TENM3: variants seen among roughly 807,000 people sequenced by gnomAD.
TENM3 encodes the protein teneurin-3.
Under a neutral mutation model 255.1 loss-of-function variants are expected in TENM3, and 63 were observed. That is an observed-to-expected ratio of 0.25 (90% confidence interval 0.20 to 0.30). TENM3 has a LOEUF of 0.30. Ranked by LOEUF, TENM3 falls within the 10% of genes least tolerant of loss-of-function variation. The pLI is 1.00. For missense variants in TENM3, 2,929 were observed against 3,461.1 expected (o/e 0.85, Z 3.86); for synonymous variants, 1,306 against 1,322.3 (o/e 0.99, Z 0.27).
At chr4:181,948,843 T>A in the TENM3 span, among the ~76,000 whole-genome samples, 11 of 152,154 alleles carry the variant, frequency 7.2e-5, no homozygotes, top group African/African-American at 2.7e-4. Context: ...CCCATTTAAT[T>A]TCCACAAAGT....
chr4:181,525,473 G>A, the TENM3 span, among the ~76,000 whole-genome samples: 1 of 151,014 alleles, frequency 6.6e-6, no homozygotes, highest in East Asian at 2.0e-4. Flanking sequence ...ATCTCCCCCT[G>A]ACTTTTGAAG....
At chr4:182,467,996 G>A (rs1732753931) in intron 3 of TENM3, among the ~76,000 whole-genome samples, 1 of 152,164 alleles carries the variant, frequency 6.6e-6, no homozygotes, top group South Asian at 2.1e-4. Context: ...AGGTTGCACA[G>A]GAAGAGGAGA....
chr4:181,772,080 G>A, the TENM3 span, among the ~76,000 whole-genome samples: 3 of 152,028 alleles, frequency 2.0e-5, no homozygotes, highest in African/African-American at 7.2e-5. Context: ...TGATATGACT[G>A]TACTAAATAA....
At chr4:181,889,394 C>T in the TENM3 span, among the ~76,000 whole-genome samples, 1 of 152,162 alleles carries the variant, frequency 6.6e-6, no homozygotes, top group Non-Finnish European at 1.5e-5. Flanking sequence ...GAAGCAGATG[C>T]TGGCACCACC....
chr4:181,699,385 G>T, the TENM3 span, among the ~76,000 whole-genome samples: 4 of 126,624 alleles, frequency 3.2e-5, no homozygotes, highest in Non-Finnish European at 6.3e-5. Flanking sequence ...CCAGGCTTCA[G>T]TGTGCAATGA....
At chr4:181,842,866 GGAT>G in the TENM3 span, among the ~76,000 whole-genome samples, 1 of 152,156 alleles carries the variant, frequency 6.6e-6, no homozygotes, top group East Asian at 1.9e-4. Flanking sequence ...TGAGCCTGCA[GGAT>G]GATAATTCAG....
the TENM3 span, among the ~76,000 whole-genome samples, chr4:181,698,075 G>A: frequency 3.3e-5 from 5 of 151,926 alleles, no homozygotes; most frequent in African/African-American, 1.2e-4. Context: ...TTAGCTGGGT[G>A]TGGTGGCAGG....
chr4:182,786,953 CT>C (rs1765710010), intron 24 of TENM3, among the ~76,000 whole-genome samples: 1 of 152,222 alleles, frequency 6.6e-6, no homozygotes, highest in Admixed American at 6.5e-5. Flanking sequence ...AAAACCTCTT[CT>C]TGAGGCATCC....
the TENM3 span, among the ~76,000 whole-genome samples, chr4:181,983,780 A>G: frequency 1.3e-5 from 2 of 152,008 alleles, no homozygotes; most frequent in Non-Finnish European, 2.9e-5. Context: ...TCTACTTGGG[A>G]AAAAAGCCAT....
intron 3 of TENM3, among the ~76,000 whole-genome samples, chr4:182,532,311 A>T (rs545728921): frequency 6.6e-6 from 1 of 152,178 alleles, no homozygotes; most frequent in Non-Finnish European, 1.5e-5. Flanking sequence ...ATTCAGTGAT[A>T]TATGCATATA....
At chr4:182,577,650 G>A (rs1455234159) in intron 3 of TENM3, among the ~76,000 whole-genome samples, 3 of 152,162 alleles carry the variant, frequency 2.0e-5, no homozygotes, top group African/African-American at 7.2e-5. Flanking sequence ...TTAAATGCAC[G>A]CGCTCTATTA....
At chr4:182,273,074 T>C (rs2150228054) in intron 1 of TENM3, among the ~76,000 whole-genome samples, 1 of 152,316 alleles carries the variant, frequency 6.6e-6, no homozygotes, top group African/African-American at 2.4e-5. Context: ...GTAACTGGGA[T>C]GAATATGGAG....
At chr4:182,248,996 CTCCTCTACAAACTTTATA>C (rs1315211734) in intron 1 of TENM3, among the ~76,000 whole-genome samples, 1 of 152,188 alleles carries the variant, frequency 6.6e-6, no homozygotes, top group Admixed American at 6.5e-5. Flanking sequence ...GTGCCAGACC[CTCCTCTACAAACTTTATA>C]TGTTTTAACT....
chr4:182,608,694 G>A (rs1297599272), intron 4 of TENM3, among the ~76,000 whole-genome samples: 3 of 152,164 alleles, frequency 2.0e-5, no homozygotes, highest in African/African-American at 7.2e-5. Context: ...CGGGTTTGGG[G>A]GTGGCCGCTC....
intron 3 of TENM3, among the ~76,000 whole-genome samples, chr4:182,533,545 A>G (rs1406637953): frequency 6.6e-6 from 1 of 151,980 alleles, no homozygotes; most frequent in Non-Finnish European, 1.5e-5. Flanking sequence ...TCTCAAAAAA[A>G]AAAAAAAAAA....
chr4:182,270,522 T>C (rs1416294039), intron 1 of TENM3, among the ~76,000 whole-genome samples: 1 of 152,206 alleles, frequency 6.6e-6, no homozygotes, highest in Admixed American at 6.5e-5. Flanking sequence ...ATAGGAGGCG[T>C]GTCTGACCTC....
At chr4:181,895,452 T>A in the TENM3 span, among the ~76,000 whole-genome samples, 1 of 150,266 alleles carries the variant, frequency 6.7e-6, no homozygotes. Flanking sequence ...CTAAGCACCC[T>A]CATTCAGTAC....
At chr4:182,014,609 T>TAGACTAAATA in the TENM3 span, among the ~76,000 whole-genome samples, 1 of 151,156 alleles carries the variant, frequency 6.6e-6, no homozygotes, top group Non-Finnish European at 1.5e-5. Flanking sequence ...AGCGGCACAT[T>TAGACTAAATA]AGATTTATTA....
intron 3 of TENM3, among the ~76,000 whole-genome samples, chr4:182,539,082 A>G (rs992192056): frequency 6.6e-6 from 1 of 151,608 alleles, no homozygotes; most frequent in African/African-American, 2.4e-5. Context: ...TTGCTTAAGA[A>G]AAAAAGCATA....
Sources: gnomAD v4.1 joint callset for allele counts (sites outside exome capture counted in the v4.1 genomes callset) on GRCh38, gnomAD v4.1.1 for gene constraint, MANE v1.5 for transcripts, NCBI Gene and HGNC (gene_info 2026-07-23, HGNC 2026-07-21) for gene names.